Variants in DOK7 observed in about 807,000 individuals in gnomAD.
The protein encoded by DOK7 is docking protein 7, also known as protein Dok-7.
A neutral mutation model predicts 30.7 loss-of-function variants in DOK7; 32 were observed. The ratio of observed to expected loss-of-function variants is 1.04; its 90% CI spans 0.79 to 1.40. The LOEUF (loss-of-function observed/expected upper bound fraction) is 1.40. Ranked by LOEUF, DOK7 falls within the 40% of genes most tolerant of loss-of-function variation. The probability of loss-of-function intolerance (pLI) is 0.00; values close to 1 mark genes in which losing one functional copy is unlikely to be tolerated. For synonymous variants in DOK7, 447 were observed against 324.1 expected (o/e 1.38, Z -4.07); for missense variants, 1,007 against 699.2 (o/e 1.44, Z -4.97).
At chr4:3,491,344 C>T (rs1277282551) in intron 6 of DOK7, among the ~76,000 whole-genome samples, 4 of 49,846 alleles carry the variant, frequency 8.0e-5, no homozygotes, top group South Asian at 1.1e-3. Flanking sequence ...CTTCCTTCTT[C>T]GCCTGCTTGT....
At position 3,493,346 on chromosome 4, in the gene DOK7, C is replaced by G; in HGVS notation, c.1360C>G (p.Leu454Val). ...CTGGCTGGGCACGAGACGGCGGGGCCTGGTGATGGAGGCCCCCCAGGGCAG... is the reference window on the plus strand; with the variant it reads ...CTGGCTGGGCACGAGACGGCGGGGCGTGGTGATGGAGGCCCCCCAGGGCAG... Reference protein sequence around the residue: ...SGWLGTRRRGLVMEAPQGSEA... With the variant: ...SGWLGTRRRGVVMEAPQGSEA... Residue 454 changes from leucine (L) to valine (V), a missense_variant, in exon 7 of 7, where the codon CTG (leucine) becomes GTG (valine). By Grantham distance (32) the Leu-to-Val change is conservative. Coordinates refer to ENST00000340083, the MANE Select transcript of DOK7 (RefSeq NM_173660.5). 1 of 1,599,322 alleles carries G rather than the reference C, an allele frequency of 6.3e-7. No homozygotes were observed. The highest frequency in any genetic ancestry group is 8.5e-7 in the Non-Finnish European group (1 of 1,173,264).
At chr4:3,489,484 C>G (rs1437516142) in intron 5 of DOK7, among the ~76,000 whole-genome samples, 193 bp from the exon 6 acceptor site, 1 of 152,132 alleles carries the variant, frequency 6.6e-6, no homozygotes. Context: ...GCATGGTGGC[C>G]TGGATAGGGG....
chr4:3,474,819 C>T (rs1726970331), intron 3 of DOK7, among the ~76,000 whole-genome samples: 1 of 149,538 alleles, frequency 6.7e-6, no homozygotes, highest in African/African-American at 2.5e-5. Context: ...AGGACTCCAT[C>T]TCAAAAAAAA....
At chr4:3,492,683 G>A (rs1313778270) in intron 6 of DOK7, 76 bp from the exon 7 acceptor site, 3 of 1,583,070 alleles carry the variant, frequency 1.9e-6, no homozygotes, top group African/African-American at 1.4e-5. Flanking sequence ...GCCTGTGGGG[G>A]TCCACCAGGC....
downstream of DOK7, among the ~76,000 whole-genome samples, chr4:3,498,977 G>A (rs909542364): frequency 1.3e-5 from 2 of 152,314 alleles, no homozygotes; most frequent in South Asian, 2.1e-4. Context: ...AGGTCTCCCT[G>A]GCCTCAGTTT....
chr4:3,478,006 C>T (rs750855876), intron 4 of DOK7, among the ~76,000 whole-genome samples: 4 of 152,124 alleles, frequency 2.6e-5, no homozygotes, highest in Non-Finnish European at 4.4e-5. Flanking sequence ...TGTCCTTTGT[C>T]GTGTGGGAAG....
rs565899632 is a variant in DOK7 at position 3,485,682 on chromosome 4, C to T, written c.652+24C>T. On this transcript the variant is annotated intron_variant, in intron 5 of 6. Transcript: ENST00000340083. Reference sequence around the variant, plus strand: ...AGGTGCGTGTGGGAGCCTGGCCGGCCGGGGAGGGTGCGCTCGGCAGGCTGT... The same window carrying T: ...AGGTGCGTGTGGGAGCCTGGCCGGCTGGGGAGGGTGCGCTCGGCAGGCTGT... 126 of 1,529,358 alleles carry T rather than the reference C, an allele frequency of 8.2e-5. No homozygotes were observed. The East Asian group carries it at 1.5e-3, about 18-fold the overall frequency. The allele number at this position is 1,529,358 out of a possible 1,614,324, so 94.7% of individuals were successfully genotyped here.
rs373762331 is a variant in DOK7 at position 3,500,962 on chromosome 4, C to T, written c.*137C>T. 402 of 1,342,222 alleles carry T rather than the reference C, an allele frequency of 3.0e-4. No individual in the cohort carries two copies. In the African/African-American group the frequency reaches 4.3e-3, roughly 15 times the overall value. The allele number at this position is 1,342,222 out of a possible 1,614,324, so 83.1% of individuals were successfully genotyped here. A position where few individuals can be genotyped will look rare whatever the true frequency, so the allele number is the denominator to read the frequency against. On this transcript the variant is annotated 3_prime_UTR_variant, in exon 8 of 8. Transcript: ENST00000643608. ...CGCAGGAGCAGGCATGGCCGGTCTC[C>T]GGGCCATGGTGCAAACAGGAAGTTT...
intron 4 of DOK7, 181 bp from the exon 5 acceptor site, chr4:3,485,357 TG>T: frequency 1.2e-6 from 1 of 809,260 alleles, no homozygotes; most frequent in Non-Finnish European, 1.8e-6. Flanking sequence ...GTGTCGGCTC[TG>T]GGCACCCGGA....
chr4:3,478,537 GCCCCACAGAA>G (rs1448944009), intron 4 of DOK7, among the ~76,000 whole-genome samples: 4 of 96,476 alleles, frequency 4.1e-5, no homozygotes, highest in Admixed American at 2.1e-4. Flanking sequence ...AACCGGGCTG[GCCCCACAGAA>G]CCCACAAACC....
chr4:3,497,387 G>C (rs1239066455), downstream of DOK7, among the ~76,000 whole-genome samples: 1 of 152,044 alleles, frequency 6.6e-6, no homozygotes, highest in Non-Finnish European at 1.5e-5. Flanking sequence ...GGCAGGTGCA[G>C]TTTTGGGGCC....
chr4:3,467,483 C>T (rs1385271532), intron 2 of DOK7, among the ~76,000 whole-genome samples: 2 of 139,072 alleles, frequency 1.4e-5, no homozygotes, highest in African/African-American at 5.4e-5. Context: ...CCCTCCCCAA[C>T]CCAAGTCCCA....
rs1728731090 is a variant in DOK7 at position 3,493,944 on chromosome 4, G to A, written c.*443G>A. 4.0e-6 allele frequency: 4 copies of A among 1,012,244 alleles called. No individual in the cohort carries two copies. The highest frequency in any genetic ancestry group is 4.7e-6 in the Non-Finnish European group (4 of 848,588). 62.7% of individuals were successfully genotyped at this position (1,012,244 alleles called of 1,614,324 possible). A position where few individuals can be genotyped will look rare whatever the true frequency, so the allele number is the denominator to read the frequency against. ...CTGGGGCAGTCACACCACCTGTTAA[G>A]CATCAAGCTACCACAGAGGCTCCGG... On this transcript the variant is annotated 3_prime_UTR_variant, in exon 7 of 7. Coordinates refer to ENST00000340083, the MANE Select transcript of DOK7 (RefSeq NM_173660.5).
Position 3,494,288 on chromosome 4 carries a change from G to GC in DOK7, c.*791dup. On this transcript the variant is annotated 3_prime_UTR_variant, in exon 7 of 7. Coordinates refer to ENST00000340083, the MANE Select transcript of DOK7 (RefSeq NM_173660.5). ...TGTGTTTCCCCTGGCCCAGGCCTCA[G>GC]CCCCTGCGTCGGAGGTGGGGCTGTG... 1.0e-6 allele frequency: 1 copy of GC among 985,634 alleles called. No homozygotes were observed. The highest frequency in any genetic ancestry group is 1.7e-5 in the African/African-American group (1 of 57,376). 61.1% of individuals were successfully genotyped at this position (985,634 alleles called of 1,614,324 possible). A position where few individuals can be genotyped will look rare whatever the true frequency, so the allele number is the denominator to read the frequency against.
At chr4:3,489,164 T>A (rs1292958155) in intron 5 of DOK7, among the ~76,000 whole-genome samples, 1 of 151,988 alleles carries the variant, frequency 6.6e-6, no homozygotes, top group Non-Finnish European at 1.5e-5. Context: ...ACCACCATGC[T>A]CTGAGCCTTG....
chr4:3,493,313 C>T lies in DOK7; in HGVS notation c.1327C>T (p.Pro443Ser), dbSNP rs748946433. 15 of 1,605,042 alleles carry T rather than the reference C, an allele frequency of 9.3e-6. No individual in the cohort carries two copies. Among genetic ancestry groups the T allele is most frequent in the African/African-American group, 1.3e-5 (1 of 74,762 alleles). ...AGGCGGCCAGACGTCCGCCGGGTGT[C>T]CCTCTGGCTGGCTGGGCACGAGACG... is the stretch of plus-strand genomic sequence containing the variant. ...DSGGQTSAGC[P>S]SGWLGTRRRG... The change falls in exon 7 of 7, where the codon CCC (proline) becomes TCC (serine). Residue 443 changes from proline (P) to serine (S), a missense_variant. Coordinates refer to ENST00000340083, the MANE Select transcript of DOK7 (RefSeq NM_173660.5).
chr4:3,465,833 G>C (rs879918303), intron 2 of DOK7, among the ~76,000 whole-genome samples: 3 of 152,234 alleles, frequency 2.0e-5, no homozygotes, highest in Non-Finnish European at 4.4e-5. Flanking sequence ...GGCCCCGGGG[G>C]AGGAGGGTGG....
At chr4:3,494,530 C>G, downstream of DOK7, 1 of 985,438 alleles carries the variant, frequency 1.0e-6, no homozygotes, top group Non-Finnish European at 1.2e-6. Context: ...TCCTCGCCCA[C>G]CCTCCACGTG....
At chr4:3,501,123 T>C (rs1729165810) in exon 8 of DOK7, 1 of 434,326 alleles carries the variant, frequency 2.3e-6, no homozygotes, top group African/African-American at 2.1e-5. Context: ...TGCTGTGGCA[T>C]CTCAGGCAGA....
Sources: allele counts gnomAD v4.1 joint callset (sites outside exome capture counted in the v4.1 genomes callset), GRCh38; gene constraint gnomAD v4.1.1; transcripts MANE v1.5; gene names NCBI Gene and HGNC (gene_info 2026-07-23, HGNC 2026-07-21).